The following ZZZ3 variants were observed in gnomAD, a reference collection of about 807,000 sequenced individuals.
ZZZ3 encodes ZZ-type zinc finger-containing protein 3.
A neutral mutation model predicts 95.2 loss-of-function variants in ZZZ3; 22 were observed. That is an observed-to-expected ratio of 0.23 (90% CI 0.17 to 0.33). ZZZ3 has a LOEUF of 0.33. Ranked by LOEUF, ZZZ3 falls within the 10% of genes least tolerant of loss-of-function variation. The probability of loss-of-function intolerance (pLI) is 1.00; values close to 1 mark genes in which losing one functional copy is unlikely to be tolerated. For missense variants in ZZZ3, 885 were observed against 1,066.5 expected (o/e 0.83, Z 2.37); for synonymous variants, 335 against 358.9 (o/e 0.93, Z 0.75).
chr1:77,636,365 T>C (rs1350361822), intron 4 of ZZZ3, among the ~76,000 whole-genome samples: 3 of 152,204 alleles, frequency 2.0e-5, no homozygotes, highest in Non-Finnish European at 4.4e-5. Context: ...GAAATGAACC[T>C]ATTATTAGTA....
In ZZZ3 at chr1:77,649,681, G is replaced by A. The variant is rs530045844; in HGVS notation, c.-402-8026C>T. 1.9e-3 allele frequency among the ~76,000 whole-genome samples: 285 copies of A among 152,212 alleles called. 4 individuals carry two copies. Among genetic ancestry groups the A allele is most frequent in the African/African-American group, 6.6e-3 (273 of 41,544 alleles). ...GCGGATCACCTGAGGTCGGGAGCTT[G>A]AGACCAGCCTGACCAACATGGAGAA... is the stretch of plus-strand genomic sequence containing the variant. On this transcript the variant is annotated intron_variant, in intron 1 of 14. Coordinates refer to ENST00000370801, the MANE Select transcript of ZZZ3 (RefSeq NM_015534.6).
chr1:77,587,665 A>T (rs542136298), intron 5 of ZZZ3, among the ~76,000 whole-genome samples: 2 of 152,282 alleles, frequency 1.3e-5, no homozygotes, highest in South Asian at 4.1e-4. Flanking sequence ...AGAAAGACAA[A>T]CAGGTTCATA....
At chr1:77,590,052 C>T (rs1207920958) in intron 5 of ZZZ3, among the ~76,000 whole-genome samples, 1 of 152,062 alleles carries the variant, frequency 6.6e-6, no homozygotes, top group Non-Finnish European at 1.5e-5. Context: ...CCTGATTCTT[C>T]AAAACTCATT....
At chr1:77,678,214 G>A (rs1672440606) in intron 1 of ZZZ3, among the ~76,000 whole-genome samples, 1 of 152,082 alleles carries the variant, frequency 6.6e-6, no homozygotes, top group Non-Finnish European at 1.5e-5. Context: ...TTAGGCAATT[G>A]GTTGTTCATT....
chr1:77,580,878 A>G (rs1662443175), intron 9 of ZZZ3, 120 bp downstream of exon 9: 1 of 798,308 alleles, frequency 1.3e-6, no homozygotes, highest in Non-Finnish European at 2.1e-6. Context: ...CACCCATATC[A>G]GCCTCCCAAA....
chr1:77,668,704 CAA>C (rs1429909262), intron 1 of ZZZ3, among the ~76,000 whole-genome samples: 2 of 148,422 alleles, frequency 1.3e-5, no homozygotes, highest in Non-Finnish European at 3.0e-5. Context: ...GGATTTAAAT[CAA>C]AGTCTATCTG....
intron 6 of ZZZ3, 96 bp from the exon 7 acceptor site, chr1:77,582,222 C>G: frequency 9.1e-7 from 1 of 1,095,642 alleles, no homozygotes; most frequent in Non-Finnish European, 1.3e-6. Flanking sequence ...ACTCCAAATC[C>G]AAATAATCAA....
intron 5 of ZZZ3, among the ~76,000 whole-genome samples, chr1:77,592,846 C>G (rs1230953292): frequency 6.6e-6 from 1 of 152,130 alleles, no homozygotes; most frequent in African/African-American, 2.4e-5. Context: ...TGAAGACAAC[C>G]AATATACAGC....
chr1:77,643,057 A>T (rs1435079813), intron 1 of ZZZ3, among the ~76,000 whole-genome samples: 1 of 152,174 alleles, frequency 6.6e-6, no homozygotes, highest in African/African-American at 2.4e-5. Flanking sequence ...ACAAAAAAAT[A>T]GAAAAAGGTA....
At chr1:77,671,368 A>C (rs1482872454) in intron 1 of ZZZ3, among the ~76,000 whole-genome samples, 1 of 152,222 alleles carries the variant, frequency 6.6e-6, no homozygotes, top group African/African-American at 2.4e-5. Context: ...ACTTGAAAGA[A>C]AATTCAAATG....
chr1:77,580,789 A>T, intron 9 of ZZZ3: 1 of 460,302 alleles, frequency 2.2e-6, no homozygotes, highest in South Asian at 2.7e-5. Flanking sequence ...ACGCCATCAC[A>T]CCCGGCTAAT....
intron 5 of ZZZ3, among the ~76,000 whole-genome samples, chr1:77,615,633 T>C (rs1046290387): frequency 6.6e-6 from 1 of 152,222 alleles, no homozygotes; most frequent in Admixed American, 6.5e-5. Flanking sequence ...AAAATATATT[T>C]CTCCATGTTA....
intron 5 of ZZZ3, among the ~76,000 whole-genome samples, chr1:77,603,422 C>T (rs997319161): frequency 3.3e-5 from 5 of 152,114 alleles, no homozygotes; most frequent in Admixed American, 6.5e-5. Flanking sequence ...AAAACCATAC[C>T]TATGTTTTCT....
intron 5 of ZZZ3, among the ~76,000 whole-genome samples, chr1:77,590,907 G>A (rs1229336931): frequency 6.8e-6 from 1 of 147,518 alleles, no homozygotes; most frequent in African/African-American, 2.4e-5. Flanking sequence ...AGGGTAAAAG[G>A]AGAGAAAATA....
intron 1 of ZZZ3, among the ~76,000 whole-genome samples, chr1:77,659,975 G>A (rs72936202): frequency 0.028 from 4,208 of 152,114 alleles, 118 homozygotes; most frequent in Middle Eastern, 0.092. Context: ...TAGGACTACA[G>A]GGGCTTGCCA....
intron 5 of ZZZ3, among the ~76,000 whole-genome samples, chr1:77,605,423 C>T (rs570647274): frequency 6.6e-5 from 10 of 152,274 alleles, no homozygotes; most frequent in African/African-American, 2.4e-4. Flanking sequence ...GCAGCCTAGG[C>T]CACAACTGCA....
chr1:77,609,156 A>T (rs193295526), intron 5 of ZZZ3, among the ~76,000 whole-genome samples: 2 of 152,290 alleles, frequency 1.3e-5, no homozygotes, highest in East Asian at 3.9e-4. Flanking sequence ...CTTCACCTAT[A>T]AAGACAGACA....
intron 5 of ZZZ3, among the ~76,000 whole-genome samples, chr1:77,596,022 T>C (rs1348468730): frequency 6.6e-6 from 1 of 152,052 alleles, no homozygotes; most frequent in Non-Finnish European, 1.5e-5. Context: ...AATTTGAGGC[T>C]TAATACCAAG....
chr1:77,611,251 C>CAAAAAAAAAAAAAAAAAAAAAAAAA (rs1377286716), intron 5 of ZZZ3, among the ~76,000 whole-genome samples: 1 of 113,782 alleles, frequency 8.8e-6, no homozygotes, highest in Non-Finnish European at 1.7e-5. Flanking sequence ...AAAAAAAAAA[C>CAAAAAAAAAAAAAAAAAAAAAAAAA]AACCCACATG....
Sources: gnomAD v4.1 joint callset for allele counts (sites outside exome capture counted in the v4.1 genomes callset) on GRCh38, gnomAD v4.1.1 for gene constraint, MANE v1.5 for transcripts, NCBI Gene and HGNC (gene_info 2026-07-23, HGNC 2026-07-21) for gene names.